The following C3orf33 variants were observed in gnomAD, a reference collection of about 807,000 sequenced individuals.
C3orf33 encodes AP-1 activity suppressor.
C3orf33 carries 23 observed loss-of-function variants against 28.7 expected under a neutral mutation model. The ratio of observed to expected loss-of-function variants is 0.80; its 90% confidence interval spans 0.58 to 1.13. The LOEUF (loss-of-function observed/expected upper bound fraction) is 1.13. Among genes scored for constraint, C3orf33 ranks in the 50% most tolerant of loss-of-function variants. C3orf33 has a pLI of 0.00. For missense variants in C3orf33, 327 were observed against 353.4 expected (o/e 0.93, Z 0.60); for synonymous variants, 119 against 120.5 (o/e 0.99, Z 0.08).
rs149139066 is a variant in C3orf33 at position 155,768,905 on chromosome 3, G to A, written c.323-1236C>T. Among the ~76,000 whole-genome samples the A allele has an allele frequency of 4.1e-3, 617 of 152,298 alleles. 5 individuals carry two copies. The highest frequency in any genetic ancestry group is 0.014 in the African/African-American group (572 of 41,572). On this transcript the variant is annotated intron_variant, in intron 3 of 4. Coordinates refer to ENST00000340171, the MANE Select transcript of C3orf33 (RefSeq NM_001308229.2). ...CTCAAAATAAAGAAGGTCAGGTGCA[G>A]TGCCTCACTCCTGTAATCCCAGCAC... is the stretch of plus-strand genomic sequence containing the variant.
At chr3:155,790,627 C>T (rs902966764) in intron 2 of C3orf33, among the ~76,000 whole-genome samples, 2 of 152,162 alleles carry the variant, frequency 1.3e-5, no homozygotes, top group Admixed American at 6.5e-5. Context: ...GCAGCAGCTG[C>T]GTGGCATGGA....
chr3:155,776,759 C>CAAAAAAAAAAAAAAAAAAAAA (rs10654812), intron 2 of C3orf33, among the ~76,000 whole-genome samples: 28 of 86,914 alleles, frequency 3.2e-4, no homozygotes, highest in African/African-American at 6.3e-4. Context: ...CTGACTCTGT[C>CAAAAAAAAAAAAAAAAAAAAA]AAAAAAAAAA....
At chr3:155,789,839 G>A (rs1246861848) in intron 2 of C3orf33, among the ~76,000 whole-genome samples, 1 of 152,042 alleles carries the variant, frequency 6.6e-6, no homozygotes. Context: ...TTTTCAACAA[G>A]GGTGCCAACA....
At position 155,806,220 on chromosome 3, in the gene C3orf33, C is replaced by T; in HGVS notation, c.33G>A (p.Pro11=). 1 of 1,483,082 alleles carries T rather than the reference C, an allele frequency of 6.7e-7. No homozygotes were observed. 91.9% of individuals were successfully genotyped at this position (1,483,082 alleles called of 1,614,324 possible). A position where few individuals can be genotyped will look rare whatever the true frequency, so the allele number is the denominator to read the frequency against. Reference sequence around the variant, plus strand: ...GCTCCATTCCGTCCTTGTCGGCAGACGGCGAGCCGGTGGCCGCGGGCTGCC... The same window carrying T: ...GCTCCATTCCGTCCTTGTCGGCAGATGGCGAGCCGGTGGCCGCGGGCTGCC... MAGQPAATGS[P]SADKDGMEPN... The change falls in exon 1 of 5, where the codon CCG becomes CCA. Residue 11 remains proline, a synonymous_variant. Transcript: ENST00000340171.
At chr3:155,798,974 G>A (rs1751561880) in intron 2 of C3orf33, among the ~76,000 whole-genome samples, 1 of 152,100 alleles carries the variant, frequency 6.6e-6, no homozygotes, top group African/African-American at 2.4e-5. Context: ...ATGTCAATAG[G>A]CATTTCTCAA....
intron 2 of C3orf33, among the ~76,000 whole-genome samples, chr3:155,780,349 T>C (rs1750881558): frequency 1.3e-5 from 2 of 152,238 alleles, no homozygotes; most frequent in East Asian, 1.9e-4. Context: ...AAGACATAAA[T>C]TTGAAATCCA....
chr3:155,793,827 A>C (rs1559998504), intron 2 of C3orf33, among the ~76,000 whole-genome samples: 1 of 90,560 alleles, frequency 1.1e-5, no homozygotes, highest in Admixed American at 1.3e-4. Context: ...AAAAAAAAAA[A>C]CTAAAAAAAC....
At chr3:155,802,865 G>A (rs981302793) in intron 1 of C3orf33, among the ~76,000 whole-genome samples, 4 of 151,756 alleles carry the variant, frequency 2.6e-5, no homozygotes, top group African/African-American at 7.3e-5. Context: ...ACATGTATAT[G>A]TAAACATATA....
chr3:155,802,565 A>G lies in C3orf33; in HGVS notation c.141T>C (p.Ala47=). 3.7e-6 allele frequency: 6 copies of G among 1,602,130 alleles called. No homozygotes were observed. Among genetic ancestry groups the G allele is most frequent in the Non-Finnish European group, 5.1e-6 (6 of 1,177,072 alleles). Residue 47 remains alanine (A), a synonymous_variant, in exon 2 of 5, where the codon GCT becomes GCC. Transcript: ENST00000340171. ...VRNISTGMAI[A]GIMLLLRSIR... ...TGCTTCTCAAAAGTAACATTATTCC[A>G]GCTATGGCCATTCCAGTGCTGATGT...
intron 2 of C3orf33, among the ~76,000 whole-genome samples, chr3:155,780,190 C>T (rs552902863): frequency 2.6e-5 from 4 of 152,310 alleles, no homozygotes; most frequent in Admixed American, 2.6e-4. Context: ...GTGACAAACA[C>T]AACCTACACT....
chr3:155,764,578 C>A (rs953965251), intron 4 of C3orf33, among the ~76,000 whole-genome samples: 1 of 151,166 alleles, frequency 6.6e-6, no homozygotes, highest in Non-Finnish European at 1.5e-5. Context: ...CCTGGCGGGG[C>A]GCGGTGGCTC....
chr3:155,799,249 T>C (rs1751571702), intron 2 of C3orf33, among the ~76,000 whole-genome samples: 1 of 152,208 alleles, frequency 6.6e-6, no homozygotes, highest in Non-Finnish European at 1.5e-5. Context: ...TACCATATGA[T>C]CCAGCAATTC....
chr3:155,774,464 A>T lies in C3orf33; in HGVS notation c.322+1237T>A, dbSNP rs143133772. ...AAGAACCAGGCCCAGGGTTATGAGA[A>T]TGCATATAAGCAGCAGGAAGGTCTG... On this transcript the variant is annotated intron_variant, in intron 3 of 4. Transcript: ENST00000340171. 6.7e-3 allele frequency among the ~76,000 whole-genome samples: 1,015 copies of T among 152,172 alleles called. 16 individuals are homozygous for T. The highest frequency in any genetic ancestry group is 0.024 in the African/African-American group (984 of 41,498).
At chr3:155,770,285 A>C (rs1159692822) in intron 3 of C3orf33, among the ~76,000 whole-genome samples, 1 of 152,218 alleles carries the variant, frequency 6.6e-6, no homozygotes, top group Non-Finnish European at 1.5e-5. Flanking sequence ...GGTCCAGACC[A>C]GGGTGCAAGC....
In C3orf33 at chr3:155,770,615, T is replaced by TA. The variant is rs1406723771; in HGVS notation, c.323-2947dup. ...AAATATAATATGATCAACAAGAATT[T>TA]AAAAATAAATCTTCCAGAAACAAAT... is the stretch of plus-strand genomic sequence containing the variant. On this transcript the variant is annotated intron_variant, in intron 3 of 4. Coordinates refer to ENST00000340171, the MANE Select transcript of C3orf33 (RefSeq NM_001308229.2). Among the ~76,000 whole-genome samples, 5 of 152,344 alleles carry TA rather than the reference T, an allele frequency of 3.3e-5. No individual in the cohort carries two copies. The East Asian group carries it at 9.6e-4, about 29-fold the overall frequency.
chr3:155,801,814 G>A (rs777334336), intron 2 of C3orf33, among the ~76,000 whole-genome samples: 52 of 152,208 alleles, frequency 3.4e-4, no homozygotes, highest in Non-Finnish European at 6.5e-4. Context: ...GCAGTGACAC[G>A]GTTTCAGCTC....
rs151267297 is a variant in C3orf33 at position 155,779,143 on chromosome 3, C to A, written c.175-3295G>T. Reference sequence around the variant, plus strand: ...AACATTGCTGCTAAAAACAAACACACAAAAACAGAAAAAGTGCAACCTGGT... The same window carrying A: ...AACATTGCTGCTAAAAACAAACACAAAAAAACAGAAAAAGTGCAACCTGGT... On this transcript the variant is annotated intron_variant, in intron 2 of 4. Transcript: ENST00000340171. Among the ~76,000 whole-genome samples, 7 of 152,190 alleles carry A rather than the reference C, an allele frequency of 4.6e-5. No homozygotes were observed. The East Asian group carries it at 1.4e-3, about 29-fold the overall frequency.
Position 155,771,064 on chromosome 3 carries a change from T to C in C3orf33, c.323-3395A>G, listed in dbSNP as rs140675296. 9.0e-3 allele frequency among the ~76,000 whole-genome samples: 1,258 copies of C among 139,520 alleles called. 41 individuals carry two copies. The highest frequency in any genetic ancestry group is 0.034 in the African/African-American group (1,215 of 36,136). 91.5% of individuals were successfully genotyped at this position (139,520 alleles called of 152,430 possible). On this transcript the variant is annotated intron_variant, in intron 3 of 4. Transcript: ENST00000340171. The stretch of plus-strand genomic sequence containing the variant: ...GTGTGTGTGTGTGTGTGTTGAGACA[T>C]AGTTTTGCTCTGCCACCCAGGCTGG...
intron 3 of C3orf33, among the ~76,000 whole-genome samples, chr3:155,770,586 T>G (rs143871553): frequency 7.2e-5 from 11 of 152,344 alleles, no homozygotes; most frequent in Admixed American, 6.5e-5. Context: ...CCATTGAGTA[T>G]TTAAAATATA....
Sources: allele counts gnomAD v4.1 joint callset (sites outside exome capture counted in the v4.1 genomes callset), GRCh38; gene constraint gnomAD v4.1.1; transcripts MANE v1.5; gene names NCBI Gene and HGNC (gene_info 2026-07-23, HGNC 2026-07-21).